Variants in UVRAG observed in about 807,000 individuals in gnomAD.
UVRAG encodes the protein UV radiation resistance-associated gene protein.
Under a neutral mutation model 78.0 loss-of-function variants are expected in UVRAG, and 19 were observed. The observed-to-expected ratio is 0.24, with a 90% CI of 0.17 to 0.36. UVRAG has a LOEUF of 0.36. Ranked by LOEUF, UVRAG falls within the 10% of genes least tolerant of loss-of-function variation. The pLI is 1.00. For missense variants in UVRAG, 740 were observed against 853.8 expected (o/e 0.87, Z 1.66); for synonymous variants, 323 against 324.6 (o/e 1.00, Z 0.05).
At position 76,103,318 on chromosome 11, in the gene UVRAG, A is replaced by G. The variant is rs575494232; in HGVS notation, c.1306-12606A>G. ...AAAATTCTGCCTACTACTCCCACCC[A>G]TCAAACTCTCTCTGCACTGTATGAG... On this transcript the variant is annotated intron_variant, in intron 13 of 14. Transcript: ENST00000356136. Among the ~76,000 whole-genome samples, 9 of 152,248 alleles carry G rather than the reference A, an allele frequency of 5.9e-5. No homozygotes were observed. The East Asian group carries it at 1.5e-3, about 26-fold the overall frequency.
chr11:76,025,465 A>G (rs951117891), intron 12 of UVRAG, among the ~76,000 whole-genome samples: 4 of 152,096 alleles, frequency 2.6e-5, no homozygotes, highest in Non-Finnish European at 4.4e-5. Context: ...GAGGAGAAAC[A>G]GGGGGTGGTA....
chr11:76,083,307 G>C (rs1372444265), intron 13 of UVRAG, among the ~76,000 whole-genome samples: 2 of 151,870 alleles, frequency 1.3e-5, no homozygotes, highest in Non-Finnish European at 2.9e-5. Flanking sequence ...ACCATTTTTG[G>C]TATTTTTTTT....
chr11:75,881,430 G>A (rs764171146), intron 4 of UVRAG, among the ~76,000 whole-genome samples: 9 of 152,300 alleles, frequency 5.9e-5, no homozygotes, highest in South Asian at 4.1e-4. Flanking sequence ...ATACACAAAC[G>A]GTTGCATTCT....
chr11:76,065,595 T>G, intron 12 of UVRAG, 115 bp from the exon 13 acceptor site: 2 of 798,946 alleles, frequency 2.5e-6, no homozygotes, highest in Non-Finnish European at 2.1e-6. Context: ...GCTAGGTGAC[T>G]TAGTCCAATT....
intron 2 of UVRAG, among the ~76,000 whole-genome samples, chr11:75,853,802 T>C (rs1946218257): frequency 6.6e-6 from 1 of 152,176 alleles, no homozygotes; most frequent in Non-Finnish European, 1.5e-5. Context: ...AGGCAGAGTC[T>C]CGCTCCGTTG....
At chr11:75,977,409 C>A (rs549141830) in intron 7 of UVRAG, among the ~76,000 whole-genome samples, 1 of 152,130 alleles carries the variant, frequency 6.6e-6, no homozygotes, top group Non-Finnish European at 1.5e-5. Flanking sequence ...GAGCTGAGTT[C>A]AATTCCTGGA....
chr11:76,028,934 A>G (rs1262457231), intron 12 of UVRAG, among the ~76,000 whole-genome samples: 2 of 152,214 alleles, frequency 1.3e-5, no homozygotes, highest in African/African-American at 4.8e-5. Flanking sequence ...CTTCTGTTGG[A>G]AGAAAATGCC....
At chr11:76,119,412 G>A (rs1952237457) in intron 14 of UVRAG, among the ~76,000 whole-genome samples, 1 of 151,748 alleles carries the variant, frequency 6.6e-6, no homozygotes, top group African/African-American at 2.4e-5. Flanking sequence ...AAGCTGTTAT[G>A]CTTATGACTC....
intron 13 of UVRAG, among the ~76,000 whole-genome samples, chr11:76,092,454 A>G (rs1440900200): frequency 2.0e-5 from 3 of 152,208 alleles, no homozygotes; most frequent in Non-Finnish European, 4.4e-5. Flanking sequence ...AGTCCCACCA[A>G]CAGTGTAAAA....
chr11:75,962,141 G>C (rs79675553), intron 7 of UVRAG, among the ~76,000 whole-genome samples: 2,760 of 152,088 alleles, frequency 0.018, 77 homozygotes, highest in African/African-American at 0.063. Flanking sequence ...AATAAATTGA[G>C]CTTTTTTTTT....
chr11:75,994,062 A>G (rs546614480), intron 8 of UVRAG, among the ~76,000 whole-genome samples: 74 of 152,278 alleles, frequency 4.9e-4, no homozygotes, highest in Non-Finnish European at 8.4e-4. Context: ...CTCCCCTCCA[A>G]CATTGAGGAT....
intron 8 of UVRAG, among the ~76,000 whole-genome samples, chr11:75,991,799 G>C (rs1017868700): frequency 1.4e-4 from 21 of 152,122 alleles, no homozygotes; most frequent in African/African-American, 4.8e-4. Flanking sequence ...GAGGTCCCAG[G>C]ATGTCTATCC....
intron 3 of UVRAG, among the ~76,000 whole-genome samples, chr11:75,869,887 A>C (rs1695657459): frequency 1.3e-5 from 2 of 152,208 alleles, no homozygotes; most frequent in African/African-American, 4.8e-5. Context: ...ATTTGTTATC[A>C]AGCAACAGTA....
At chr11:75,895,585 G>A (rs758829077) in intron 5 of UVRAG, among the ~76,000 whole-genome samples, 17 of 150,818 alleles carry the variant, frequency 1.1e-4, no homozygotes, top group Non-Finnish European at 2.4e-4. Context: ...CTGGTTAAGC[G>A]TATGTAGCAA....
intron 4 of UVRAG, among the ~76,000 whole-genome samples, chr11:75,883,842 G>A (rs559182662): frequency 6.6e-6 from 1 of 152,274 alleles, no homozygotes; most frequent in South Asian, 2.1e-4. Context: ...TTTTTAAAGT[G>A]TGCAATTCAA....
chr11:76,040,191 A>T (rs1201214640), intron 12 of UVRAG, among the ~76,000 whole-genome samples: 2 of 152,160 alleles, frequency 1.3e-5, no homozygotes, highest in Non-Finnish European at 2.9e-5. Flanking sequence ...TAACTAAAGT[A>T]TGCAAATAAC....
intron 12 of UVRAG, among the ~76,000 whole-genome samples, chr11:76,057,291 A>T (rs1426946285): frequency 6.6e-6 from 1 of 152,192 alleles, no homozygotes; most frequent in Non-Finnish European, 1.5e-5. Context: ...ATAGATTATA[A>T]CTTTAGCCCG....
intron 9 of UVRAG, among the ~76,000 whole-genome samples, chr11:76,006,685 A>AAGAGAG: frequency 1.3e-5 from 2 of 149,372 alleles, no homozygotes; most frequent in African/African-American, 5.0e-5. Flanking sequence ...AAAAAAAAAA[A>AAGAGAG]AGAGAGAGAG....
At chr11:76,055,495 G>C (rs1950964288) in intron 12 of UVRAG, among the ~76,000 whole-genome samples, 1 of 152,214 alleles carries the variant, frequency 6.6e-6, no homozygotes, top group Middle Eastern at 3.4e-3. Context: ...CCTAGATTCT[G>C]CGGTTACATT....
Sources: allele counts gnomAD v4.1 joint callset (sites outside exome capture counted in the v4.1 genomes callset), GRCh38; gene constraint gnomAD v4.1.1; transcripts MANE v1.5; gene names NCBI Gene and HGNC (gene_info 2026-07-23, HGNC 2026-07-21).